The following PCDHA3 variants were observed in gnomAD, a reference collection of about 807,000 sequenced individuals.
PCDHA3 encodes protocadherin alpha-3.
In PCDHA3, 41 loss-of-function variants were observed where a neutral mutation model predicts 62.2. The observed-to-expected ratio is 0.66, with a 90% CI of 0.51 to 0.86. PCDHA3 has a LOEUF of 0.86. Among genes scored for constraint, PCDHA3 ranks in the 40% least tolerant of loss-of-function variants. The probability of loss-of-function intolerance (pLI) is 0.00; values close to 1 mark genes in which losing one functional copy is unlikely to be tolerated. For synonymous variants in PCDHA3, 640 were observed against 555.4 expected, an observed-to-expected ratio of 1.15 and a Z score of -2.14; for missense variants, 1,304 against 1,241.2, an observed-to-expected ratio of 1.05 and a Z score of -0.76.
chr5:140,893,656 T>C (rs950016091), intron 1 of PCDHA3, among the ~76,000 whole-genome samples: 1 of 152,222 alleles, frequency 6.6e-6, no homozygotes. Flanking sequence ...CTGATAGTTT[T>C]AAAAAATTTC....
At position 140,858,257 on chromosome 5, in the gene PCDHA3, C is replaced by G; in HGVS notation, c.2394+54666C>G. ...CGCATGTGGGCCGGTGAAGCCCACGCTGGTGTGCTCTAGCGCGGTGGGGAG... is the reference window on the plus strand; with the variant it reads ...CGCATGTGGGCCGGTGAAGCCCACGGTGGTGTGCTCTAGCGCGGTGGGGAG... On this transcript the variant is annotated intron_variant, in intron 1 of 3. Transcript: ENST00000522353. 2 of 1,596,668 alleles carry G rather than the reference C, an allele frequency of 1.3e-6. 1 individual carries two copies. Among genetic ancestry groups the G allele is most frequent in the Non-Finnish European group, 1.7e-6 (2 of 1,166,542 alleles).
intron 1 of PCDHA3, among the ~76,000 whole-genome samples, chr5:140,935,985 C>T (rs155825): frequency 0.32 from 47,782 of 150,880 alleles, 7,901 homozygotes; most frequent in East Asian, 0.53. Context: ...CTCTGCCTCC[C>T]GGGTTCAAGC....
Position 141,010,780 on chromosome 5 carries a change from TGCAAAA to T in PCDHA3, c.*851_*856del, listed in dbSNP as rs1309288663. 1 of 153,816 alleles carries T rather than the reference TGCAAAA, an allele frequency of 6.5e-6. No homozygotes were observed. The highest frequency in any genetic ancestry group is 1.9e-4 in the East Asian group (1 of 5,188). The allele number at this position is 153,816 out of a possible 1,614,324, so 9.5% of individuals were successfully genotyped here. On this transcript the variant is annotated 3_prime_UTR_variant, in exon 4 of 4. Transcript: ENST00000522353. ...AGGCCAGATCCTTTTCCAATACTTATGCAAAAGCAAAAGAAAACCCCGACACCTCAC... is the reference window on the plus strand; with the variant it reads ...AGGCCAGATCCTTTTCCAATACTTATGCAAAAGAAAACCCCGACACCTCAC...
chr5:140,894,971 G>A (rs1231249838), intron 1 of PCDHA3, among the ~76,000 whole-genome samples: 1 of 152,010 alleles, frequency 6.6e-6, no homozygotes, highest in African/African-American at 2.4e-5. Context: ...ATTTTTTAAT[G>A]TCTTACTTTG....
intron 3 of PCDHA3, among the ~76,000 whole-genome samples, chr5:140,983,126 G>A (rs1466016868): frequency 6.6e-6 from 1 of 152,206 alleles, no homozygotes; most frequent in African/African-American, 2.4e-5. Context: ...ACATTCTGCA[G>A]ACTGACTTTT....
chr5:140,978,246 C>T (rs1243560833), intron 1 of PCDHA3, among the ~76,000 whole-genome samples: 1 of 152,148 alleles, frequency 6.6e-6, no homozygotes, highest in Non-Finnish European at 1.5e-5. Flanking sequence ...TCAGCTACTC[C>T]CTGTTAAACA....
At chr5:140,991,298 ATTATC>A (rs1361844877) in intron 3 of PCDHA3, among the ~76,000 whole-genome samples, 1 of 152,170 alleles carries the variant, frequency 6.6e-6, no homozygotes, top group African/African-American at 2.4e-5. Flanking sequence ...ACACATTACT[ATTATC>A]TTGTCCCGCA....
intron 1 of PCDHA3, among the ~76,000 whole-genome samples, chr5:140,939,846 T>G (rs2092473465): frequency 6.6e-6 from 1 of 152,222 alleles, no homozygotes; most frequent in Non-Finnish European, 1.5e-5. Flanking sequence ...GTTGTTGTGT[T>G]CTGTATATGT....
At chr5:140,997,329 T>C (rs1030113015) in intron 3 of PCDHA3, among the ~76,000 whole-genome samples, 1 of 152,228 alleles carries the variant, frequency 6.6e-6, no homozygotes, top group African/African-American at 2.4e-5. Context: ...AGTTTTTTCG[T>C]TGTACAAATA....
chr5:140,884,466 C>T (rs1212644572), intron 1 of PCDHA3: 3 of 1,613,764 alleles, frequency 1.9e-6, no homozygotes, highest in Non-Finnish European at 2.5e-6. Context: ...GGCGCGTGCG[C>T]GCCGGGCAAG....
intron 1 of PCDHA3, among the ~76,000 whole-genome samples, chr5:140,918,378 T>C (rs2078665832): frequency 6.6e-6 from 1 of 152,192 alleles, no homozygotes; most frequent in South Asian, 2.1e-4. Flanking sequence ...GGATGCCTTT[T>C]ATTTCTTTCT....
At chr5:140,862,417 T>A (rs77196804) in intron 1 of PCDHA3, 1 of 351,262 alleles carries the variant, frequency 2.8e-6, no homozygotes, top group East Asian at 7.4e-5. Context: ...CAAAAGGCGC[T>A]GCCCAGAAAC....
Position 140,838,081 on chromosome 5 carries a change from T to A in PCDHA3, c.2394+34490T>A, listed in dbSNP as rs1309951624. The stretch of plus-strand genomic sequence containing the variant: ...CACTTTAAGTTATATATATATAGTG[T>A]GTGTGTGTGTGTGTGTGTGTGTGTG... On this transcript the variant is annotated intron_variant, in intron 1 of 3. Coordinates refer to ENST00000522353, the MANE Select transcript of PCDHA3 (RefSeq NM_018906.3). Among the ~76,000 whole-genome samples, 2 of 13,360 alleles carry A rather than the reference T, an allele frequency of 1.5e-4. 1 individual carries two copies. Among genetic ancestry groups the A allele is most frequent in the South Asian group, 5.1e-3 (2 of 390 alleles). 8.8% of individuals were successfully genotyped at this position (13,360 alleles called of 152,430 possible).
chr5:140,926,967 A>G (rs782296182), intron 1 of PCDHA3: 4 of 1,606,666 alleles, frequency 2.5e-6, no homozygotes, highest in Middle Eastern at 1.7e-4. Context: ...TCGAGTACTC[A>G]GTGCCGGAGG....
rs200850648 is a variant in PCDHA3, at chr5:140,842,182, T to C, written c.2394+38591T>C. 3.0e-4 allele frequency: 478 copies of C among 1,613,232 alleles called. 6 individuals carry two copies. Among genetic ancestry groups the C allele is most frequent in the African/African-American group, 2.2e-3 (164 of 74,868 alleles). ...ATTCTTTTAATAGCCTTGTTGAAAC[T>C]ATGGTTATTGACCACTTTAGCATAG... is the stretch of plus-strand genomic sequence containing the variant. On this transcript the variant is annotated intron_variant, in intron 1 of 3. Coordinates refer to ENST00000522353, the MANE Select transcript of PCDHA3 (RefSeq NM_018906.3).
intron 1 of PCDHA3, chr5:140,928,482 TG>T (rs782531828): frequency 6.2e-7 from 1 of 1,614,024 alleles, no homozygotes; most frequent in African/African-American, 1.3e-5. Context: ...GCCGGGATGG[TG>T]GCATTCCTCC....
intron 1 of PCDHA3, chr5:140,927,529 C>A: frequency 6.2e-7 from 1 of 1,614,098 alleles, no homozygotes; most frequent in South Asian, 1.1e-5. Flanking sequence ...GCTACCTGCC[C>A]GCTCAGGAGA....
chr5:140,841,616 A>T (rs2150319486), intron 1 of PCDHA3: 1 of 1,613,946 alleles, frequency 6.2e-7, no homozygotes, highest in Non-Finnish European at 8.5e-7. Flanking sequence ...GTGCGGGCGG[A>T]GCGCGGAGTG....
intron 1 of PCDHA3, among the ~76,000 whole-genome samples, chr5:140,969,908 TG>T (rs2096368267): frequency 6.6e-6 from 1 of 152,184 alleles, no homozygotes; most frequent in Non-Finnish European, 1.5e-5. Flanking sequence ...ATGTCACAAG[TG>T]ATAAAGCTGT....
Sources: allele counts gnomAD v4.1 joint callset (sites outside exome capture counted in the v4.1 genomes callset), GRCh38; gene constraint gnomAD v4.1.1; transcripts MANE v1.5; gene names NCBI Gene and HGNC (gene_info 2026-07-23, HGNC 2026-07-21).